Variants in PRORP observed in about 807,000 individuals in gnomAD.
PRORP encodes the protein protein only RNase P catalytic subunit, also known as mitochondrial ribonuclease P catalytic subunit.
A neutral mutation model predicts 59.4 loss-of-function variants in PRORP; 51 were observed. That is an observed-to-expected ratio of 0.86 (90% CI 0.69 to 1.08). The LOEUF (loss-of-function observed/expected upper bound fraction) is 1.08. Ranked by LOEUF, PRORP falls within the 50% of genes least tolerant of loss-of-function variation. The pLI is 0.00. For missense variants in PRORP, 646 were observed against 690.3 expected (o/e 0.94, Z 0.72); for synonymous variants, 231 against 245.6 (o/e 0.94, Z 0.55).
At chr14:35,220,112 C>T (rs2049732981) in intron 5 of PRORP, among the ~76,000 whole-genome samples, 1 of 152,172 alleles carries the variant, frequency 6.6e-6, no homozygotes, top group Admixed American at 6.5e-5. Context: ...AATAAGGTCA[C>T]ATTCACAAGT....
rs1019560607 is a variant in PRORP at position 35,274,591 on chromosome 14, T to C, written c.*1025T>C. On this transcript the variant is annotated 3_prime_UTR_variant, in exon 8 of 8. Transcript: ENST00000534898. ...TGAGCCTCAGAGGTCAAGGCTGCAA[T>C]GAGCCAACGTTGCACCACTGCACTC... is the stretch of plus-strand genomic sequence containing the variant. 4 of 152,230 alleles carry C rather than the reference T, an allele frequency of 2.6e-5. No homozygotes were observed. The highest frequency in any genetic ancestry group is 9.6e-5 in the African/African-American group (4 of 41,454). 9.4% of individuals were successfully genotyped at this position (152,230 alleles called of 1,614,324 possible).
intron 4 of PRORP, among the ~76,000 whole-genome samples, chr14:35,169,914 G>A (rs12436663): frequency 0.18 from 27,942 of 152,186 alleles, 2,820 homozygotes; most frequent in Admixed American, 0.27. Context: ...ATGCAGAGAA[G>A]AGTGTTGAAA....
chr14:35,194,980 TCA>T (rs1190740051), intron 5 of PRORP, among the ~76,000 whole-genome samples: 65 of 20,666 alleles, frequency 3.1e-3, no homozygotes, highest in African/African-American at 8.2e-3. Flanking sequence ...AAAGTTCCTC[TCA>T]CACATGATTT....
At position 35,263,123 on chromosome 14, in the gene PRORP, T is replaced by C. The variant is rs74043868; in HGVS notation, c.1276-3604T>C. The C allele has an allele frequency of 5.4e-4, 484 of 902,460 alleles. 5 individuals are homozygous for C. The African/African-American group carries it at 7.0e-3, about 13-fold the overall frequency. 55.9% of individuals were successfully genotyped at this position (902,460 alleles called of 1,614,324 possible). A position where few individuals can be genotyped will look rare whatever the true frequency, so the allele number is the denominator to read the frequency against. On this transcript the variant is annotated intron_variant, in intron 5 of 7. Coordinates refer to ENST00000534898, the MANE Select transcript of PRORP (RefSeq NM_014672.4). ...ATGTTTAAATGATGCAAAAGACCTATTGATTTGGAAAGAAAAATAAAATAA... is the reference window on the plus strand; with the variant it reads ...ATGTTTAAATGATGCAAAAGACCTACTGATTTGGAAAGAAAAATAAAATAA...
At chr14:35,237,371 G>A (rs2050249845) in intron 5 of PRORP, among the ~76,000 whole-genome samples, 1 of 151,804 alleles carries the variant, frequency 6.6e-6, no homozygotes, top group African/African-American at 2.4e-5. Context: ...GGGGTTACAG[G>A]CATCAACCAC....
intron 4 of PRORP, among the ~76,000 whole-genome samples, chr14:35,140,064 C>G (rs1051780989): frequency 3.4e-5 from 5 of 145,666 alleles, no homozygotes; most frequent in African/African-American, 1.2e-4. Context: ...ATGACCTTGT[C>G]TTATTTCATT....
chr14:35,209,509 C>T (rs748902037), intron 5 of PRORP, among the ~76,000 whole-genome samples: 15 of 152,070 alleles, frequency 9.9e-5, no homozygotes, highest in Non-Finnish European at 1.9e-4. Flanking sequence ...TCAGAAAGTT[C>T]TTAGGATTTT....
At position 35,205,448 on chromosome 14, in the gene PRORP, C is replaced by A. The variant is rs570393753; in HGVS notation, c.1275+24671C>A. 2.6e-5 allele frequency among the ~76,000 whole-genome samples: 4 copies of A among 152,274 alleles called. No individual in the cohort carries two copies. The East Asian group carries it at 7.7e-4, about 29-fold the overall frequency. ...CAGGCAATCTGTCCACCTCGGCCTC[C>A]CAAATTGCTGGGATTACAGGCGTGA... On this transcript the variant is annotated intron_variant, in intron 5 of 7. Transcript: ENST00000534898.
intron 5 of PRORP, among the ~76,000 whole-genome samples, chr14:35,221,847 C>G (rs1376743477): frequency 6.6e-6 from 1 of 152,182 alleles, no homozygotes; most frequent in Non-Finnish European, 1.5e-5. Context: ...TTTCTCCCTT[C>G]TTTACAGATA....
At chr14:35,175,660 A>T (rs1282687815) in intron 4 of PRORP, among the ~76,000 whole-genome samples, 1 of 151,688 alleles carries the variant, frequency 6.6e-6, no homozygotes, top group Non-Finnish European at 1.5e-5. Flanking sequence ...AGATGAGTAG[A>T]TAGCAAAAAT....
At chr14:35,136,139 G>A (rs931927225) in intron 4 of PRORP, among the ~76,000 whole-genome samples, 2 of 152,056 alleles carry the variant, frequency 1.3e-5, no homozygotes, top group African/African-American at 4.8e-5. Context: ...CAGAATAAGG[G>A]TAGAGAAGGA....
rs775263229 is a variant in PRORP, at chr14:35,123,268, T to TTCG, written c.24_26dup (p.Arg9dup). ...ATAATGACTTTCTATTTGTTTGGTA[T>TTCG]TCGAAGCTTTCCGAAGCTTTGGAAG... On this transcript the variant is annotated inframe_insertion, in exon 2 of 8. Transcript: ENST00000534898. The TTCG allele has an allele frequency of 6.2e-7, 1 of 1,611,292 alleles. No homozygotes were observed. Among genetic ancestry groups the TTCG allele is most frequent in the Non-Finnish European group, 8.5e-7 (1 of 1,179,092 alleles).
intron 5 of PRORP, among the ~76,000 whole-genome samples, chr14:35,263,435 C>T (rs1246303291): frequency 2.0e-5 from 3 of 152,098 alleles, no homozygotes; most frequent in Non-Finnish European, 4.4e-5. Flanking sequence ...GCCTGTAATC[C>T]CAGCACTTTG....
intron 5 of PRORP, among the ~76,000 whole-genome samples, chr14:35,226,247 A>G (rs972615142): frequency 6.6e-6 from 1 of 152,244 alleles, no homozygotes; most frequent in Non-Finnish European, 1.5e-5. Flanking sequence ...TCTGTGCTAG[A>G]TACTATGACA....
At chr14:35,155,010 T>C (rs1262167899) in intron 4 of PRORP, among the ~76,000 whole-genome samples, 1 of 152,114 alleles carries the variant, frequency 6.6e-6, no homozygotes, top group Non-Finnish European at 1.5e-5. Context: ...TCATCCCACC[T>C]CAGCCTCCTG....
chr14:35,126,640 C>A, intron 2 of PRORP, 95 bp from the exon 3 acceptor site: 1 of 941,458 alleles, frequency 1.1e-6, no homozygotes, highest in Non-Finnish European at 1.6e-6. Flanking sequence ...ACTTTTCGGA[C>A]TTCTTGCTTA....
intron 4 of PRORP, among the ~76,000 whole-genome samples, chr14:35,156,892 TTTTTTGTAGTCG>T (rs534196470): frequency 1.2e-3 from 189 of 152,204 alleles, no homozygotes; most frequent in Non-Finnish European, 1.7e-3. Flanking sequence ...ATTAATACCT[TTTTTTGTAGTCG>T]TTGTCAATAT....
chr14:35,171,961 T>G (rs1276274745), intron 4 of PRORP, among the ~76,000 whole-genome samples: 3 of 152,174 alleles, frequency 2.0e-5, no homozygotes, highest in Admixed American at 1.3e-4. Flanking sequence ...TGCTTTTTGG[T>G]TCTGTAATGT....
intron 7 of PRORP, among the ~76,000 whole-genome samples, chr14:35,272,395 CTGAGCCTAGGAGTT>C (rs2051216602): frequency 6.6e-6 from 1 of 152,082 alleles, no homozygotes; most frequent in East Asian, 1.9e-4. Flanking sequence ...GGAGGATTGC[CTGAGCCTAGGAGTT>C]TAAGACTAGC....
Sources: allele counts gnomAD v4.1 joint callset (sites outside exome capture counted in the v4.1 genomes callset), GRCh38; gene constraint gnomAD v4.1.1; transcripts MANE v1.5; gene names NCBI Gene and HGNC (gene_info 2026-07-23, HGNC 2026-07-21).